Variants in EML5 observed in about 807,000 individuals in gnomAD.
The protein encoded by EML5 is echinoderm microtubule-associated protein-like 5.
A neutral mutation model predicts 250.0 loss-of-function variants in EML5; 120 were observed. That is an observed-to-expected ratio of 0.48 (90% CI 0.41 to 0.56). The LOEUF (loss-of-function observed/expected upper bound fraction) is 0.56. EML5 is among the 20% of genes least tolerant of loss of function. The pLI, the probability that EML5 is intolerant of heterozygous loss-of-function variation, is 0.00. For synonymous variants in EML5, 771 were observed against 806.5 expected (o/e 0.96, Z 0.75); for missense variants, 2,006 against 2,437.6 (o/e 0.82, Z 3.73).
chr14:88,639,386 G>T (rs1317975858), intron 31 of EML5, among the ~76,000 whole-genome samples: 1 of 152,192 alleles, frequency 6.6e-6, no homozygotes, highest in African/African-American at 2.4e-5. Flanking sequence ...GAGTAACATG[G>T]TTGGAAAGGC....
intron 4 of EML5, among the ~76,000 whole-genome samples, 161 bp downstream of exon 4, chr14:88,743,858 AATAT>A (rs1038858129): frequency 5.9e-5 from 9 of 152,178 alleles, no homozygotes; most frequent in African/African-American, 1.9e-4. Context: ...CAAAGCAAAT[AATAT>A]ATATATTTGT....
chr14:88,757,830 TTCTC>T (rs1176854833), intron 1 of EML5, among the ~76,000 whole-genome samples: 4 of 151,622 alleles, frequency 2.6e-5, no homozygotes, highest in Admixed American at 1.3e-4. Flanking sequence ...CTTTCTTCCT[TTCTC>T]TCTCTTTCTC....
Position 88,706,281 on chromosome 14 carries a change from A to G in EML5, c.1803T>C (p.Asp601=). 7 of 1,609,204 alleles carry G rather than the reference A, an allele frequency of 4.3e-6. No individual in the cohort carries two copies. The highest frequency in any genetic ancestry group is 5.9e-6 in the Non-Finnish European group (7 of 1,177,984). Residue 601 remains aspartate, a synonymous_variant, in exon 11 of 44, where the codon GAT becomes GAC. Transcript: ENST00000554922. The stretch of plus-strand genomic sequence containing the variant: ...CACCTTGGGGTGCTATGTGAACAGC[A>G]TCTTTCAGTTTTCTTTCAGGAATAA... ...WKFIPERKLK[D]AVHIAPQESL... is the part of the protein sequence containing the mutation.
rs2094137480 is a variant in EML5 at position 88,754,571 on chromosome 14, C to G, written c.298G>C (p.Val100Leu). ...CCATGTGTATGAACATCCTTTAAAA[C>G]TGATATGGTCTGCACAGTGTATGAA... ...WDSYTVQTIS[V>L]LKDVHTHGIA... Residue 100 changes from valine (V) to leucine (L), a missense_variant, in exon 2 of 44, where the codon GTT becomes CTT. This residue lies in a region of EML5 where 162 missense variants were observed against 212.2 expected (regional missense o/e 0.76). Coordinates refer to ENST00000554922, the MANE Select transcript of EML5 (RefSeq NM_183387.3). The G allele has an allele frequency of 6.2e-7, 1 of 1,613,170 alleles. No homozygotes were observed.
chr14:88,749,892 A>C (rs1478225053), intron 2 of EML5, among the ~76,000 whole-genome samples: 2 of 152,140 alleles, frequency 1.3e-5, no homozygotes, highest in South Asian at 4.1e-4. Flanking sequence ...GTGAGGAAAA[A>C]CCCACAACAC....
At chr14:88,720,412 C>A (rs1055446477) in intron 8 of EML5, among the ~76,000 whole-genome samples, 1 of 152,066 alleles carries the variant, frequency 6.6e-6, no homozygotes. Context: ...TCCAGCAGCC[C>A]ATCAAAAAGC....
chr14:88,763,158 C>T (rs887427882), intron 1 of EML5, among the ~76,000 whole-genome samples: 8 of 152,040 alleles, frequency 5.3e-5, no homozygotes, highest in Non-Finnish European at 8.8e-5. Context: ...TAACTAAGAT[C>T]ACAGCAGAAC....
Position 88,644,524 on chromosome 14 carries a change from AGTG to A in EML5, c.4029-16_4029-14del. ...GCTCACTGGAGGCCTGCAACAGAGAAGTGGGGAGGAGGAAAGGCATGCAGCACT... is the reference window on the plus strand; with the variant it reads ...GCTCACTGGAGGCCTGCAACAGAGAAGGGAGGAGGAAAGGCATGCAGCACT... On this transcript the variant is annotated splice_polypyrimidine_tract_variant and intron_variant, in intron 29 of 43. Transcript: ENST00000554922. 1 of 1,613,208 alleles carries A rather than the reference AGTG, an allele frequency of 6.2e-7. No individual in the cohort carries two copies. Among genetic ancestry groups the A allele is most frequent in the Non-Finnish European group, 8.5e-7 (1 of 1,179,432 alleles).
chr14:88,637,059 C>T (rs1663402995), intron 32 of EML5, among the ~76,000 whole-genome samples: 1 of 152,146 alleles, frequency 6.6e-6, no homozygotes, highest in Admixed American at 6.5e-5. Context: ...GAACAATAAA[C>T]ATTGTAAATG....
At chr14:88,745,205 CCT>C (rs1388756523) in intron 3 of EML5, among the ~76,000 whole-genome samples, 1 of 97,916 alleles carries the variant, frequency 1.0e-5, no homozygotes, top group Non-Finnish European at 2.0e-5. Context: ...GTGTAATAGG[CCT>C]CTCTGTGCAC....
chr14:88,742,969 G>A (rs1397817175), intron 4 of EML5, among the ~76,000 whole-genome samples: 1 of 152,050 alleles, frequency 6.6e-6, no homozygotes, highest in East Asian at 1.9e-4. Context: ...GACAGTGGAA[G>A]TAAAGCAAGT....
chr14:88,753,058 C>T (rs2094118854), intron 2 of EML5, among the ~76,000 whole-genome samples: 1 of 152,212 alleles, frequency 6.6e-6, no homozygotes, highest in Non-Finnish European at 1.5e-5. Flanking sequence ...GGCTGTCACA[C>T]TGACTCTTCA....
At chr14:88,642,820 G>T in intron 31 of EML5, 73 bp downstream of exon 31, 1 of 1,405,140 alleles carries the variant, frequency 7.1e-7, no homozygotes, top group Non-Finnish European at 9.6e-7. Context: ...CTTTAACAAA[G>T]ATTTTAAGCT....
chr14:88,663,817 G>A (rs2092216253), intron 23 of EML5, among the ~76,000 whole-genome samples: 1 of 151,654 alleles, frequency 6.6e-6, no homozygotes, highest in South Asian at 2.1e-4. Context: ...TTACAGGCAT[G>A]AGCCACCATA....
intron 30 of EML5, among the ~76,000 whole-genome samples, chr14:88,643,657 G>A (rs947530885): frequency 6.6e-6 from 1 of 152,166 alleles, no homozygotes; most frequent in African/African-American, 2.4e-5. Context: ...GTTAATCAAA[G>A]TATCTGACCT....
At chr14:88,653,127 AT>A (rs2091710376) in intron 27 of EML5, among the ~76,000 whole-genome samples, 1 of 151,940 alleles carries the variant, frequency 6.6e-6, no homozygotes, top group Non-Finnish European at 1.5e-5. Context: ...AATGCTTGTG[AT>A]TTTTGCACAT....
chr14:88,705,517 T>C lies in EML5; in HGVS notation c.1897A>G (p.Ile633Val), dbSNP rs144622692. The change falls in exon 12 of 44, where the codon ATT (isoleucine) becomes GTT (valine). Residue 633 changes from isoleucine (I) to valine (V), a missense_variant. By Grantham distance (29) the Ile-to-Val change is conservative. Around this residue, in one of 7 missense-constraint regions of EML5, gnomAD observed 1,375 missense variants for 1,590.3 expected, o/e 0.86. Coordinates refer to ENST00000554922, the MANE Select transcript of EML5 (RefSeq NM_183387.3). ...LSDVPELDSE[I>V]EQETQLTYRR... ...TAGGTGAGCTGTGTCTCTTGTTCAA[T>C]TTCAGAATCCAGTTCTGGAACATCA... 5.9e-4 allele frequency: 945 copies of C among 1,604,496 alleles called. 12 individuals carry two copies. The East Asian group carries it at 0.019, about 33-fold the overall frequency.
intron 1 of EML5, among the ~76,000 whole-genome samples, chr14:88,770,620 T>G (rs1022033056): frequency 6.6e-6 from 1 of 152,170 alleles, no homozygotes; most frequent in African/African-American, 2.4e-5. Context: ...AATCTGAAGA[T>G]TCTCTTCCGA....
At chr14:88,731,969 T>C (rs1402498893) in intron 7 of EML5, among the ~76,000 whole-genome samples, 1 of 152,210 alleles carries the variant, frequency 6.6e-6, no homozygotes, top group Non-Finnish European at 1.5e-5. Flanking sequence ...ATATCAGCCC[T>C]TTGTCAGATG....
Sources: allele counts gnomAD v4.1 joint callset (sites outside exome capture counted in the v4.1 genomes callset), GRCh38; gene constraint gnomAD v4.1.1; regional missense constraint gnomAD v4.1.1; transcripts MANE v1.5; gene names NCBI Gene and HGNC (gene_info 2026-07-23, HGNC 2026-07-21).